SPOCK3: variants seen among roughly 807,000 people sequenced by gnomAD.
SPOCK3 encodes SPARC (osteonectin), cwcv and kazal like domains proteoglycan 3.
In SPOCK3, 30 loss-of-function variants were observed where a neutral mutation model predicts 56.6. That is an observed-to-expected ratio of 0.53 (90% CI 0.40 to 0.72). The LOEUF (loss-of-function observed/expected upper bound fraction) is 0.72. Among genes scored for constraint, SPOCK3 ranks in the 30% least tolerant of loss-of-function variants. The probability of loss-of-function intolerance (pLI) is 0.00; values close to 1 mark genes in which losing one functional copy is unlikely to be tolerated. For missense variants in SPOCK3, 527 were observed against 530.0 expected (o/e 0.99, Z 0.06); for synonymous variants, 196 against 183.3 (o/e 1.07, Z -0.56).
At chr4:166,943,819 T>C (rs1272307979) in intron 4 of SPOCK3, among the ~76,000 whole-genome samples, 1 of 152,104 alleles carries the variant, frequency 6.6e-6, no homozygotes, top group African/African-American at 2.4e-5. Context: ...AAACATTATA[T>C]GATACATGAT....
intron 6 of SPOCK3, among the ~76,000 whole-genome samples, chr4:166,851,913 A>G (rs1229463404): frequency 6.6e-6 from 1 of 151,862 alleles, no homozygotes; most frequent in Admixed American, 6.6e-5. Flanking sequence ...TCCAACAATG[A>G]TAGATTGGAT....
At chr4:167,216,949 T>A (rs530904114) in intron 2 of SPOCK3, among the ~76,000 whole-genome samples, 1 of 151,974 alleles carries the variant, frequency 6.6e-6, no homozygotes, top group Non-Finnish European at 1.5e-5. Context: ...TGAATGACAA[T>A]AGTACAGAGA....
intron 2 of SPOCK3, among the ~76,000 whole-genome samples, chr4:167,222,698 CAT>C (rs1174960275): frequency 5.9e-5 from 7 of 117,756 alleles, no homozygotes; most frequent in African/African-American, 1.9e-4. Flanking sequence ...AATATATAAA[CAT>C]ATAAACATAG....
At position 166,962,006 on chromosome 4, in the gene SPOCK3, C is replaced by T. The variant is rs572673774; in HGVS notation, c.350+38343G>A. ...TGTCTTTTCTAGCTCCCATAGGCTGCCTCCATTCCTTAGCTTGGATTCCCT... is the reference window on the plus strand; with the variant it reads ...TGTCTTTTCTAGCTCCCATAGGCTGTCTCCATTCCTTAGCTTGGATTCCCT... On this transcript the variant is annotated intron_variant, in intron 4 of 10. Coordinates refer to ENST00000357545, the MANE Select transcript of SPOCK3 (RefSeq NM_001040159.2). Among the ~76,000 whole-genome samples the T allele has an allele frequency of 1.6e-3, 242 of 152,186 alleles. 1 individual carries two copies. The highest frequency in any genetic ancestry group is 2.9e-3 in the Non-Finnish European group (198 of 67,960).
At chr4:166,803,535 C>T (rs532671250) in intron 6 of SPOCK3, among the ~76,000 whole-genome samples, 3 of 152,228 alleles carry the variant, frequency 2.0e-5, no homozygotes, top group South Asian at 2.1e-4. Context: ...TCCGGGCAAA[C>T]GTCTTAAAGA....
intron 6 of SPOCK3, among the ~76,000 whole-genome samples, chr4:166,866,801 G>T (rs1417387997): frequency 6.6e-6 from 1 of 151,818 alleles, no homozygotes; most frequent in South Asian, 2.1e-4. Context: ...ATATAAATAG[G>T]TTTCTCTATT....
At chr4:167,223,807 C>T (rs887666465) in intron 2 of SPOCK3, among the ~76,000 whole-genome samples, 2 of 152,000 alleles carry the variant, frequency 1.3e-5, no homozygotes, top group Non-Finnish European at 2.9e-5. Flanking sequence ...TAAAAGTGAA[C>T]TTATAATACT....
chr4:166,765,690 G>A (rs1737925790), intron 7 of SPOCK3, among the ~76,000 whole-genome samples: 1 of 152,142 alleles, frequency 6.6e-6, no homozygotes, highest in South Asian at 2.1e-4. Flanking sequence ...GGTTCCGTAT[G>A]AACTTTAAAG....
At chr4:167,152,758 A>G (rs181629510) in intron 2 of SPOCK3, among the ~76,000 whole-genome samples, 1 of 152,348 alleles carries the variant, frequency 6.6e-6, no homozygotes, top group East Asian at 1.9e-4. Context: ...GAAGCATCAC[A>G]TGCTTCCAAA....
chr4:166,928,936 C>A (rs143297753), intron 4 of SPOCK3, among the ~76,000 whole-genome samples: 1,524 of 152,120 alleles, frequency 0.01, 16 homozygotes, highest in Middle Eastern at 0.031. Flanking sequence ...CCATTGCACT[C>A]CAGCCTGGGC....
chr4:167,230,500 CAAA>C (rs35421281), intron 2 of SPOCK3, among the ~76,000 whole-genome samples: 2 of 85,858 alleles, frequency 2.3e-5, no homozygotes, highest in Admixed American at 1.2e-4. Flanking sequence ...AGCCCCCCAC[CAAA>C]AAAAAAAAAA....
At chr4:167,018,004 A>C (rs1243738728) in intron 3 of SPOCK3, among the ~76,000 whole-genome samples, 2 of 152,072 alleles carry the variant, frequency 1.3e-5, no homozygotes. Context: ...GGACTTATTA[A>C]GAGATTTTTC....
chr4:166,809,106 C>A (rs1223666435), intron 6 of SPOCK3, among the ~76,000 whole-genome samples: 2 of 152,022 alleles, frequency 1.3e-5, no homozygotes, highest in Non-Finnish European at 2.9e-5. Context: ...TGTCATACTT[C>A]TCTCATTAAT....
intron 2 of SPOCK3, among the ~76,000 whole-genome samples, chr4:167,155,021 T>C (rs1764700392): frequency 6.6e-6 from 1 of 152,152 alleles, no homozygotes; most frequent in Non-Finnish European, 1.5e-5. Context: ...AAATCATTCA[T>C]CCAAGTAAGT....
intron 2 of SPOCK3, among the ~76,000 whole-genome samples, chr4:167,221,226 C>T (rs1180986070): frequency 6.6e-6 from 1 of 151,356 alleles, no homozygotes; most frequent in Non-Finnish European, 1.5e-5. Flanking sequence ...AAATTAGCCA[C>T]ACATGGTGGT....
intron 4 of SPOCK3, among the ~76,000 whole-genome samples, chr4:166,954,133 G>C (rs11727904): frequency 0.37 from 55,706 of 151,778 alleles, 11,534 homozygotes; most frequent in East Asian, 0.67. Context: ...TTTAAATCAG[G>C]TTGTTTTCTA....
intron 6 of SPOCK3, among the ~76,000 whole-genome samples, chr4:166,808,136 A>C (rs1356243484): frequency 6.6e-6 from 1 of 152,090 alleles, no homozygotes; most frequent in Admixed American, 6.5e-5. Context: ...TAGAACTATG[A>C]GCATTGTTAG....
chr4:167,199,124 T>C (rs1442089952), intron 2 of SPOCK3, among the ~76,000 whole-genome samples: 8 of 152,094 alleles, frequency 5.3e-5, no homozygotes, highest in African/African-American at 1.9e-4. Context: ...CACTGATTGA[T>C]GCCTGAAATT....
Position 167,035,833 on chromosome 4 carries a change from C to T in SPOCK3, c.235+26659G>A, listed in dbSNP as rs548304741. ...AGTTAAAACCTGCTAACTTATGTGC[C>T]TACTATCAGGAGTTCCACAATTACT... On this transcript the variant is annotated intron_variant, in intron 3 of 10. Transcript: ENST00000357545. Among the ~76,000 whole-genome samples, 255 of 152,276 alleles carry T rather than the reference C, an allele frequency of 1.7e-3. 2 individuals are homozygous for T. The highest frequency in any genetic ancestry group is 1.2e-3 in the Non-Finnish European group (85 of 68,032).
Sources: gnomAD v4.1 joint callset for allele counts (sites outside exome capture counted in the v4.1 genomes callset) on GRCh38, gnomAD v4.1.1 for gene constraint, MANE v1.5 for transcripts, NCBI Gene and HGNC (gene_info 2026-07-23, HGNC 2026-07-21) for gene names.